The following CRELD1 variants were observed in gnomAD, a reference collection of about 807,000 sequenced individuals.
CRELD1 encodes protein disulfide isomerase CRELD1.
A neutral mutation model predicts 58.2 loss-of-function variants in CRELD1; 42 were observed. The observed-to-expected ratio is 0.72, with a 90% CI of 0.56 to 0.93. The LOEUF (loss-of-function observed/expected upper bound fraction) is 0.93, where lower values mean the gene tolerates loss of function less well. CRELD1 is among the 40% of genes least tolerant of loss of function. The pLI is 0.00. For synonymous variants in CRELD1, 222 were observed against 202.0 expected, an observed-to-expected ratio of 1.10 and a Z score of -0.84; for missense variants, 500 against 540.6, an observed-to-expected ratio of 0.92 and a Z score of 0.74.
chr3:9,940,846 A>G lies in CRELD1; in HGVS notation c.461-4A>G. The stretch of plus-strand genomic sequence containing the variant: ...ACCTCACCTGGTTTGGTGTCTTCCC[A>G]CAGCCTGTCCTGGGGGAACAGAGAG... On this transcript the variant is annotated splice_region_variant and splice_polypyrimidine_tract_variant and intron_variant, in intron 5 of 10. Transcript: ENST00000452070. The G allele has an allele frequency of 6.2e-7, 1 of 1,606,234 alleles. No individual in the cohort carries two copies. Among genetic ancestry groups the G allele is most frequent in the East Asian group, 2.3e-5 (1 of 44,260 alleles).
chr3:9,939,087 A>AG (rs1430066033), intron 5 of CRELD1, among the ~76,000 whole-genome samples: 2 of 151,914 alleles, frequency 1.3e-5, no homozygotes, highest in Non-Finnish European at 2.9e-5. Context: ...TCGAAGCTGC[A>AG]GTGAGCTATG....
Position 9,937,591 on chromosome 3 carries a change from G to T in CRELD1, c.287G>T (p.Gly96Val), listed in dbSNP as rs150227077. The T allele has an allele frequency of 3.1e-6, 5 of 1,612,286 alleles. No homozygotes were observed. Among genetic ancestry groups the T allele is most frequent in the African/African-American group, 2.7e-5 (2 of 74,912 alleles). ...ACCCGCCTGGTAGAGGTGCTGGAGGGTGTGTGCAGCAAGTCAGACTTCGAG... is the reference window on the plus strand; with the variant it reads ...ACCCGCCTGGTAGAGGTGCTGGAGGTTGTGTGCAGCAAGTCAGACTTCGAG... ...SETRLVEVLE[G>V]VCSKSDFECH... The change falls in exon 4 of 11, where the codon GGT becomes GTT. Residue 96 changes from glycine (G) to valine (V), a missense_variant. Physicochemically the swap from Gly to Val is moderately radical, Grantham distance 109. Coordinates refer to ENST00000452070, the MANE Select transcript of CRELD1 (RefSeq NM_001077415.3).
Position 9,943,453 on chromosome 3 carries a change from G to T in CRELD1, c.986G>T (p.Arg329Leu), listed in dbSNP as rs772336477. Residue 329 changes from arginine to leucine, a missense_variant, in exon 10 of 11, where the codon CGC becomes CTC. By Grantham distance (102) the Arg-to-Leu change is moderately radical. Transcript: ENST00000452070. Reference protein sequence around the residue: ...KQCENTEGGYRCICAEGYKQM... With the variant: ...KQCENTEGGYLCICAEGYKQM... ...TGTGAAAACACCGAGGGCGGTTATCGCTGCATCTGTGCCGAGGGCTACAAG... is the reference window on the plus strand; with the variant it reads ...TGTGAAAACACCGAGGGCGGTTATCTCTGCATCTGTGCCGAGGGCTACAAG... 1 of 1,613,906 alleles carries T rather than the reference G, an allele frequency of 6.2e-7. No individual in the cohort carries two copies. Among genetic ancestry groups the T allele is most frequent in the African/African-American group, 1.3e-5 (1 of 74,876 alleles).
Position 9,934,624 on chromosome 3 carries a change from G to A in CRELD1, c.174+12G>A, listed in dbSNP as rs752753810. On this transcript the variant is annotated intron_variant, in intron 2 of 10. Transcript: ENST00000452070. ...ACAGCTTTAACAAGGTGGGTGCACC[G>A]GCAGCCTCGTTAGAGGGGAACACAG... The A allele has an allele frequency of 5.6e-5, 90 of 1,611,580 alleles. 2 individuals are homozygous for A. In the South Asian group the frequency reaches 8.8e-4, roughly 16 times the overall value.
chr3:9,944,259 G>A, intron 10 of CRELD1, 106 bp from the exon 11 acceptor site: 1 of 1,041,340 alleles, frequency 9.6e-7, no homozygotes, highest in Non-Finnish European at 1.5e-6. Flanking sequence ...TTGCTGGGCA[G>A]GCCTGGTGGC....
At chr3:9,940,113 G>A (rs1465437151) in intron 5 of CRELD1, among the ~76,000 whole-genome samples, 4 of 151,954 alleles carry the variant, frequency 2.6e-5, no homozygotes, top group Non-Finnish European at 5.9e-5. Flanking sequence ...ACGGGGTCGC[G>A]GCCGGGCAGA....
At chr3:9,941,265 A>G (rs2085359329) in intron 7 of CRELD1, 59 bp downstream of exon 7, 1 of 1,470,138 alleles carries the variant, frequency 6.8e-7, no homozygotes, top group East Asian at 2.3e-5. Flanking sequence ...TTGGTCCTTT[A>G]TTCTCTCAAC....
In CRELD1 at chr3:9,943,165, G is replaced by C. The variant is rs1433805434; in HGVS notation, c.906G>C (p.Lys302Asn). 13 of 1,612,822 alleles carry C rather than the reference G, an allele frequency of 8.1e-6. No individual in the cohort carries two copies. Among genetic ancestry groups the C allele is most frequent in the Non-Finnish European group, 1.1e-5 (13 of 1,179,812 alleles). ...CTGGCTATCAGCAGGTGGGCTCCAAGTGTCTCGGTGAGTCTCCTGCTGATG... is the reference window on the plus strand; with the variant it reads ...CTGGCTATCAGCAGGTGGGCTCCAACTGTCTCGGTGAGTCTCCTGCTGATG... The part of the protein sequence containing the change: ...CSPGYQQVGS[K>N]CLDVDECETE... The change falls in exon 9 of 11, where the codon AAG becomes AAC. Residue 302 changes from lysine to asparagine, a missense_variant. Coordinates refer to ENST00000452070, the MANE Select transcript of CRELD1 (RefSeq NM_001077415.3).
chr3:9,941,124 C>G lies in CRELD1; in HGVS notation c.651C>G (p.Pro217=). 6.2e-7 allele frequency: 1 copy of G among 1,614,230 alleles called. No homozygotes were observed. Residue 217 remains proline (P), a synonymous_variant, in exon 7 of 11, where the codon CCC becomes CCG. Coordinates refer to ENST00000452070, the MANE Select transcript of CRELD1 (RefSeq NM_001077415.3). ...SHLVCSACFG[P]CARCSGPEES... ...CATTCCACCCAGCTTGTTTTGGCCC[C>G]TGTGCCCGATGCTCAGGACCTGAGG... is the stretch of plus-strand genomic sequence containing the variant.
In CRELD1 at chr3:9,936,595, A is replaced by G. The variant is rs184258708; in HGVS notation, c.258-967A>G. 1.3e-4 allele frequency among the ~76,000 whole-genome samples: 20 copies of G among 152,094 alleles called. No homozygotes were observed. The East Asian group carries it at 3.5e-3, about 26-fold the overall frequency. The stretch of plus-strand genomic sequence containing the variant: ...TATATATTTGTGGTAAAATACACAT[A>G]AAAAATTTCCCATTAAAGACATTTA... On this transcript the variant is annotated intron_variant, in intron 3 of 10. Coordinates refer to ENST00000452070, the MANE Select transcript of CRELD1 (RefSeq NM_001077415.3).
In CRELD1 at chr3:9,939,140, A is replaced by AAAATAAAT. The variant is rs201401416; in HGVS notation, c.460+1074_460+1081dup. On this transcript the variant is annotated intron_variant, in intron 5 of 10. Transcript: ENST00000452070. ...GAAACAGAGCGAGACCCTGTCACTA[A>AAAATAAAT]AAATAAATAAATAAATAAATAAATA... Among the ~76,000 whole-genome samples, 849 of 144,866 alleles carry AAAATAAAT rather than the reference A, an allele frequency of 5.9e-3. 3 individuals are homozygous for AAAATAAAT. The highest frequency in any genetic ancestry group is 8.5e-3 in the Non-Finnish European group (562 of 66,382).
Position 9,940,950 on chromosome 3 carries a change from CG to C in CRELD1, c.566del (p.Gly189ValfsTer56), listed in dbSNP as rs1559337563. On this transcript the variant is annotated frameshift_variant, in exon 6 of 11. Transcript: ENST00000452070. LOFTEE classifies it high-confidence loss of function. ...SGHCDCQAGYGGEACGQCGLG... is the reference protein window; with the variant it reads ...SGHCDCQAGYXGEACGQCGLG... ...GGCACTGTGACTGCCAAGCCGGCTA[CG>C]GGGGTGAGGCCTGTGGCCAGTGTGG... 2.5e-6 allele frequency: 4 copies of C among 1,614,044 alleles called. No homozygotes were observed. Among genetic ancestry groups the C allele is most frequent in the Admixed American group, 3.3e-5 (2 of 60,012 alleles).
rs1461637667 is a variant in CRELD1, at chr3:9,943,363, C to A, written c.914-18C>A. The stretch of plus-strand genomic sequence containing the variant: ...GTGGGGGGCCCTAGCAGGACTCTGA[C>A]CCCTCCCTCCCCTCAAGATGTGGAT... On this transcript the variant is annotated intron_variant, in intron 9 of 10. Transcript: ENST00000452070. The A allele has an allele frequency of 6.2e-7, 1 of 1,613,634 alleles. No individual in the cohort carries two copies. Among genetic ancestry groups the A allele is most frequent in the African/African-American group, 1.3e-5 (1 of 74,822 alleles).
chr3:9,934,041 C>T (rs1261804755), intron 1 of CRELD1, 121 bp downstream of exon 1: 3 of 326,462 alleles, frequency 9.2e-6, no homozygotes, highest in East Asian at 7.8e-5. Flanking sequence ...GGGTTCCGGA[C>T]ACCTCCCCCA....
At chr3:9,942,675 T>C (rs2124857908) in intron 7 of CRELD1, 138 bp from the exon 8 acceptor site, 1 of 743,528 alleles carries the variant, frequency 1.3e-6, no homozygotes, top group Non-Finnish European at 2.4e-6. Context: ...GTCCAGCTAG[T>C]CTGCTTCTGT....
intron 10 of CRELD1, chr3:9,943,943 C>T (rs772819276): frequency 4.1e-5 from 60 of 1,459,836 alleles, no homozygotes; most frequent in East Asian, 9.1e-5. Context: ...TGAAACAACC[C>T]GACGCTGGAA....
At chr3:9,937,348 AAG>A (rs2085223422) in intron 3 of CRELD1, among the ~76,000 whole-genome samples, 1 of 152,186 alleles carries the variant, frequency 6.6e-6, no homozygotes, top group African/African-American at 2.4e-5. Context: ...TGACAAAACA[AAG>A]AGGTTCAGAG....
chr3:9,944,655 C>A lies in CRELD1; in HGVS notation c.*76C>A. 7.4e-7 allele frequency: 1 copy of A among 1,344,010 alleles called. No homozygotes were observed. The highest frequency in any genetic ancestry group is 1.0e-6 in the Non-Finnish European group (1 of 970,388). 83.3% of individuals were successfully genotyped at this position (1,344,010 alleles called of 1,614,324 possible). On this transcript the variant is annotated 3_prime_UTR_variant, in exon 11 of 11. Coordinates refer to ENST00000452070, the MANE Select transcript of CRELD1 (RefSeq NM_001077415.3). ...TTGGGCTGCCCTCCTGCTGGACACT[C>A]AGGACAGCTTGGTTTATTTTTGAGA...
chr3:9,942,396 A>G (rs950600951), intron 7 of CRELD1, among the ~76,000 whole-genome samples: 1 of 152,098 alleles, frequency 6.6e-6, no homozygotes, highest in African/African-American at 2.4e-5. Context: ...TACCCAGATT[A>G]TTCCTGTAAC....
Sources: allele counts gnomAD v4.1 joint callset (sites outside exome capture counted in the v4.1 genomes callset), GRCh38; gene constraint gnomAD v4.1.1; transcripts MANE v1.5; gene names NCBI Gene and HGNC (gene_info 2026-07-23, HGNC 2026-07-21).